UBXN2A: variants seen among roughly 807,000 people sequenced by gnomAD.
UBXN2A encodes the protein UBX domain-containing protein 2A.
Under a neutral mutation model 28.4 loss-of-function variants are expected in UBXN2A, and 28 were observed. The observed-to-expected ratio is 0.99, with a 90% CI of 0.73 to 1.35. The LOEUF (loss-of-function observed/expected upper bound fraction) is 1.35. Among genes scored for constraint, UBXN2A ranks in the 40% most tolerant of loss-of-function variants. The pLI is 0.00. For synonymous variants in UBXN2A, 97 were observed against 103.6 expected (o/e 0.94, Z 0.39); for missense variants, 253 against 297.9 (o/e 0.85, Z 1.11).
rs1203324328 is a variant in UBXN2A at position 23,949,011 on chromosome 2, C to T, written c.-15+8363C>T. Among the ~76,000 whole-genome samples, 3 of 149,938 alleles carry T rather than the reference C, an allele frequency of 2.0e-5. No homozygotes were observed. The Admixed American group carries it at 2.0e-4, about 10-fold the overall frequency. ...ACTAGAGCACATTGGCGTGATCTCCCCTCACTGCAACCTCCATCTCCCTGG... is the reference window on the plus strand; with the variant it reads ...ACTAGAGCACATTGGCGTGATCTCCTCTCACTGCAACCTCCATCTCCCTGG... On this transcript the variant is annotated intron_variant, in intron 1 of 6. Transcript: ENST00000309033.
intron 6 of UBXN2A, among the ~76,000 whole-genome samples, chr2:23,991,302 G>A (rs1708342004): frequency 6.6e-6 from 1 of 151,768 alleles, no homozygotes; most frequent in Non-Finnish European, 1.5e-5. Context: ...ACTTTGTTGG[G>A]GAGAAAAGAT....
intron 6 of UBXN2A, among the ~76,000 whole-genome samples, chr2:23,995,909 T>TTTTTGAGATGAATTCTTGTTC (rs1275419060): frequency 1.3e-5 from 2 of 152,124 alleles, no homozygotes; most frequent in Non-Finnish European, 2.9e-5. Context: ...TTTATTTGTT[T>TTTTTGAGATGAATTCTTGTTC]TTTTGAGATG....
upstream of UBXN2A, among the ~76,000 whole-genome samples, chr2:23,936,425 A>T (rs1474485697): frequency 6.6e-6 from 1 of 152,100 alleles, no homozygotes; most frequent in Non-Finnish European, 1.5e-5. Flanking sequence ...AGAAAGTAGA[A>T]TAGGCTGTGC....
At chr2:23,940,686 A>AGGGCGGGGCG (rs1366013168) in intron 1 of UBXN2A, 38 bp downstream of exon 1, 1 of 149,750 alleles carries the variant, frequency 6.7e-6, no homozygotes, top group Non-Finnish European at 1.5e-5. Context: ...CGGCGGGGTG[A>AGGGCGGGGCG]GGGCGGGGCG....
intron 1 of UBXN2A, among the ~76,000 whole-genome samples, chr2:23,949,002 G>T (rs113578018): frequency 6.8e-6 from 1 of 147,016 alleles, no homozygotes; most frequent in Non-Finnish European, 1.5e-5. Flanking sequence ...GCACATTGGC[G>T]TGATCTCCCC....
At chr2:23,959,048 G>C (rs922044106) in intron 2 of UBXN2A, among the ~76,000 whole-genome samples, 1 of 152,002 alleles carries the variant, frequency 6.6e-6, no homozygotes. Context: ...TCACTATATT[G>C]CTCAGAACTC....
At chr2:23,957,423 C>T (rs1263506331) in intron 1 of UBXN2A, among the ~76,000 whole-genome samples, 2 of 152,172 alleles carry the variant, frequency 1.3e-5, no homozygotes, top group African/African-American at 2.4e-5. Flanking sequence ...CTGCCTCAGC[C>T]TTCTGAATAA....
chr2:23,987,104 A>G (rs577322824), intron 6 of UBXN2A, among the ~76,000 whole-genome samples: 1 of 152,214 alleles, frequency 6.6e-6, no homozygotes, highest in African/African-American at 2.4e-5. Context: ...AAAGGAAAAA[A>G]AAAAAGTTTG....
intron 2 of UBXN2A, among the ~76,000 whole-genome samples, chr2:23,961,016 T>G (rs1706879091): frequency 6.6e-6 from 1 of 152,204 alleles, no homozygotes; most frequent in Non-Finnish European, 1.5e-5. Flanking sequence ...CTTTTGTGAC[T>G]GACTGCTTTC....
chr2:23,992,836 C>T (rs1708401154), intron 6 of UBXN2A, among the ~76,000 whole-genome samples: 1 of 152,282 alleles, frequency 6.6e-6, no homozygotes, highest in Admixed American at 6.5e-5. Flanking sequence ...TTAATTTCAA[C>T]GTATCTGTAT....
At chr2:23,962,280 T>C (rs1345090646) in intron 2 of UBXN2A, among the ~76,000 whole-genome samples, 1 of 152,222 alleles carries the variant, frequency 6.6e-6, no homozygotes, top group African/African-American at 2.4e-5. Context: ...TTCATAACCT[T>C]ATTTATGCAG....
At chr2:23,976,096 C>A (rs915518257) in intron 3 of UBXN2A, among the ~76,000 whole-genome samples, 1 of 152,038 alleles carries the variant, frequency 6.6e-6, no homozygotes, top group Non-Finnish European at 1.5e-5. Flanking sequence ...TTCTACCTTC[C>A]CCCTCTCCTC....
chr2:23,992,012 G>T (rs777920385), intron 6 of UBXN2A, among the ~76,000 whole-genome samples: 1 of 151,740 alleles, frequency 6.6e-6, no homozygotes, highest in Non-Finnish European at 1.5e-5. Context: ...TTGCTCTGTC[G>T]CCAGGCTGGA....
chr2:23,971,443 TC>T (rs752211396), intron 3 of UBXN2A, 29 bp downstream of exon 3: 32 of 1,500,846 alleles, frequency 2.1e-5, no homozygotes, highest in Middle Eastern at 2.0e-4. Flanking sequence ...CTTTTCTTTT[TC>T]TTTCAGTGTT....
chr2:23,995,710 GA>G (rs893554784), intron 6 of UBXN2A, among the ~76,000 whole-genome samples: 10 of 140,298 alleles, frequency 7.1e-5, no homozygotes, highest in African/African-American at 1.8e-4. Context: ...AAAAAGAAAA[GA>G]AAAAAAAAAG....
intron 2 of UBXN2A, among the ~76,000 whole-genome samples, chr2:23,965,053 A>AT (rs1178908023): frequency 2.6e-5 from 4 of 151,696 alleles, no homozygotes; most frequent in African/African-American, 4.8e-5. Context: ...AATTTTTCGT[A>AT]TTTTTTTTAT....
chr2:23,955,163 C>A (rs1286819481), intron 1 of UBXN2A, among the ~76,000 whole-genome samples: 3 of 152,048 alleles, frequency 2.0e-5, no homozygotes, highest in Admixed American at 2.0e-4. Context: ...GATCTCCTGA[C>A]CTTGTGATTC....
chr2:23,986,688 A>G (rs1708146463), intron 6 of UBXN2A, among the ~76,000 whole-genome samples: 1 of 151,434 alleles, frequency 6.6e-6, no homozygotes, highest in Non-Finnish European at 1.5e-5. Context: ...GCTCACTGCA[A>G]CCTTCATCCC....
chr2:23,972,108 G>A (rs1417488653), intron 3 of UBXN2A, among the ~76,000 whole-genome samples: 2 of 151,934 alleles, frequency 1.3e-5, no homozygotes, highest in South Asian at 2.1e-4. Flanking sequence ...GATAAGGTAA[G>A]GGTAAGGTAA....
Sources: allele counts gnomAD v4.1 joint callset (sites outside exome capture counted in the v4.1 genomes callset), GRCh38; gene constraint gnomAD v4.1.1; transcripts MANE v1.5; gene names NCBI Gene and HGNC (gene_info 2026-07-23, HGNC 2026-07-21).